UNC5C: variants seen among roughly 807,000 people sequenced by gnomAD.
The protein encoded by UNC5C is unc-5 netrin receptor C.
A neutral mutation model predicts 99.8 loss-of-function variants in UNC5C; 47 were observed. The ratio of observed to expected loss-of-function variants is 0.47; its 90% CI spans 0.37 to 0.60. The LOEUF (loss-of-function observed/expected upper bound fraction) is 0.60. UNC5C is among the 20% of genes least tolerant of loss of function. UNC5C has a pLI of 0.00. For synonymous variants in UNC5C, 487 were observed against 452.2 expected (o/e 1.08, Z -0.98); for missense variants, 1,062 against 1,165.9 (o/e 0.91, Z 1.30).
At chr4:95,282,286 G>A (rs1741087815) in intron 3 of UNC5C, among the ~76,000 whole-genome samples, 1 of 152,178 alleles carries the variant, frequency 6.6e-6, no homozygotes, top group South Asian at 2.1e-4. Flanking sequence ...TAGGAGAAAT[G>A]CAGTGAAGGA....
intron 10 of UNC5C, 179 bp downstream of exon 10, chr4:95,215,945 C>T (rs1039320354): frequency 1.6e-5 from 8 of 494,304 alleles, no homozygotes; most frequent in Admixed American, 7.7e-5. Context: ...GCAAAAGCGT[C>T]TGGAGCCTCA....
chr4:95,302,880 TAAC>T (rs1741927805), intron 2 of UNC5C, among the ~76,000 whole-genome samples: 1 of 152,232 alleles, frequency 6.6e-6, no homozygotes, highest in South Asian at 2.1e-4. Context: ...GGTATCATGT[TAAC>T]AATGCATTAT....
intron 1 of UNC5C, among the ~76,000 whole-genome samples, chr4:95,479,745 A>G (rs1024388682): frequency 2.6e-5 from 4 of 151,962 alleles, no homozygotes; most frequent in African/African-American, 4.8e-5. Context: ...TCATGAATAC[A>G]ATAGTTAATT....
chr4:95,548,127 G>GCAGGTACGCGGAT (rs1207946673), intron 1 of UNC5C, among the ~76,000 whole-genome samples: 1 of 152,132 alleles, frequency 6.6e-6, no homozygotes, highest in African/African-American at 2.4e-5. Context: ...CCTGCCTCCA[G>GCAGGTACGCGGAT]CCGGGTACGC....
intron 1 of UNC5C, among the ~76,000 whole-genome samples, chr4:95,448,221 T>TGAGAGAGAGAGA (rs1284671236): frequency 8.1e-5 from 9 of 111,356 alleles, no homozygotes; most frequent in African/African-American, 2.2e-4. Flanking sequence ...TGTGTGTGTG[T>TGAGAGAGAGAGA]GTGTGTGAGA....
chr4:95,224,013 T>C (rs1738575351), intron 7 of UNC5C, among the ~76,000 whole-genome samples: 1 of 152,222 alleles, frequency 6.6e-6, no homozygotes, highest in South Asian at 2.1e-4. Context: ...CCGGGCATGG[T>C]GGCTCACATC....
At chr4:95,368,340 A>G (rs941923278) in intron 1 of UNC5C, among the ~76,000 whole-genome samples, 2 of 151,996 alleles carry the variant, frequency 1.3e-5, no homozygotes, top group Non-Finnish European at 2.9e-5. Flanking sequence ...TTTACAAATT[A>G]TAGGCTTACT....
At chr4:95,170,019 T>C in intron 15 of UNC5C, 135 bp downstream of exon 15, 6 of 1,136,832 alleles carry the variant, frequency 5.3e-6, no homozygotes, top group South Asian at 1.6e-5. Context: ...CAGAGCTTAA[T>C]GCATATTTGC....
intron 1 of UNC5C, among the ~76,000 whole-genome samples, chr4:95,349,324 T>G (rs1579347440): frequency 8.1e-6 from 1 of 124,220 alleles, no homozygotes; most frequent in Non-Finnish European, 1.7e-5. Context: ...AGAGAAAGGG[T>G]GTGTGTGTGT....
intron 1 of UNC5C, among the ~76,000 whole-genome samples, chr4:95,397,666 A>C (rs926848429): frequency 1.3e-5 from 2 of 152,218 alleles, no homozygotes; most frequent in Non-Finnish European, 2.9e-5. Flanking sequence ...CTCAATACAT[A>C]GGACATGAAC....
intron 1 of UNC5C, among the ~76,000 whole-genome samples, chr4:95,462,067 A>G (rs1189207364): frequency 6.6e-6 from 1 of 152,112 alleles, no homozygotes; most frequent in African/African-American, 2.4e-5. Context: ...GTGAATAGAG[A>G]AAAGGCTATA....
intron 1 of UNC5C, among the ~76,000 whole-genome samples, chr4:95,434,461 G>A (rs372456428): frequency 1.4e-4 from 21 of 151,992 alleles, no homozygotes; most frequent in African/African-American, 4.6e-4. Context: ...TACTTGAATC[G>A]GAGGGAAAGG....
intron 1 of UNC5C, among the ~76,000 whole-genome samples, chr4:95,386,094 C>G (rs75529886): frequency 0.035 from 5,351 of 152,272 alleles, 152 homozygotes; most frequent in South Asian, 0.14. Context: ...CCATTGTAAC[C>G]TGCAGTCAGT....
intron 1 of UNC5C, among the ~76,000 whole-genome samples, chr4:95,401,348 T>C (rs78588357): frequency 0.079 from 11,988 of 152,050 alleles, 888 homozygotes; most frequent in East Asian, 0.18. Flanking sequence ...ACCCAGGCTG[T>C]AGTGCAGTGC....
At chr4:95,185,534 A>AAATT (rs1178020616) in intron 12 of UNC5C, among the ~76,000 whole-genome samples, 4 of 152,216 alleles carry the variant, frequency 2.6e-5, no homozygotes, top group South Asian at 2.1e-4. Context: ...AGAGAGCCAT[A>AAATT]AATTAAAGAA....
chr4:95,538,604 T>C (rs1333920362), intron 1 of UNC5C, among the ~76,000 whole-genome samples: 1 of 152,162 alleles, frequency 6.6e-6, no homozygotes, highest in East Asian at 1.9e-4. Context: ...AAACCCCACA[T>C]CATCAATGAA....
intron 1 of UNC5C, among the ~76,000 whole-genome samples, chr4:95,501,565 T>C (rs1344747291): frequency 6.6e-6 from 1 of 152,178 alleles, no homozygotes; most frequent in Non-Finnish European, 1.5e-5. Context: ...TCTCCATCAC[T>C]ATTGTTAAAT....
At chr4:95,236,933 A>G (rs1001023696) in intron 7 of UNC5C, among the ~76,000 whole-genome samples, 11 of 152,298 alleles carry the variant, frequency 7.2e-5, no homozygotes, top group Middle Eastern at 6.8e-3. Context: ...TCCAAGGAGG[A>G]TTGATTCCAG....
rs543812830 is a variant in UNC5C, at chr4:95,492,641, G to A, written c.124+56093C>T. Among the ~76,000 whole-genome samples, 19 of 151,354 alleles carry A rather than the reference G, an allele frequency of 1.3e-4. No homozygotes were observed. The East Asian group carries it at 2.3e-3, about 19-fold the overall frequency. On this transcript the variant is annotated intron_variant, in intron 1 of 15. Transcript: ENST00000453304. The stretch of plus-strand genomic sequence containing the variant: ...GTAATAATTCCACACAAAAATTCAC[G>A]TTATCACACACACAAAAATCTTGAC...
Sources: gnomAD v4.1 joint callset for allele counts (sites outside exome capture counted in the v4.1 genomes callset) on GRCh38, gnomAD v4.1.1 for gene constraint, MANE v1.5 for transcripts, NCBI Gene and HGNC (gene_info 2026-07-23, HGNC 2026-07-21) for gene names.